The following PTPRD variants were observed in gnomAD, a reference collection of about 807,000 sequenced individuals.
PTPRD encodes the protein protein tyrosine phosphatase receptor type D.
In PTPRD, 34 loss-of-function variants were observed where a neutral mutation model predicts 214.5. That is an observed-to-expected ratio of 0.16 (90% CI 0.12 to 0.21). PTPRD has a LOEUF of 0.21. Ranked by LOEUF, PTPRD falls within the 10% of genes least tolerant of loss-of-function variation. PTPRD has a pLI of 1.00. For missense variants in PTPRD, 2,545 were observed against 2,398.7 expected, an observed-to-expected ratio of 1.06 and a Z score of -1.27; for synonymous variants, 1,128 against 845.7, an observed-to-expected ratio of 1.33 and a Z score of -5.79.
intron 3 of PTPRD, among the ~76,000 whole-genome samples, chr9:10,074,941 A>T (rs1410347038): frequency 6.6e-6 from 1 of 152,160 alleles, no homozygotes; most frequent in Non-Finnish European, 1.5e-5. Context: ...GAGAAATATT[A>T]CTTAGTCAAA....
intron 3 of PTPRD, among the ~76,000 whole-genome samples, chr9:10,317,794 A>T (rs191530990): frequency 6.6e-6 from 1 of 152,058 alleles, no homozygotes; most frequent in Non-Finnish European, 1.5e-5. Flanking sequence ...TAAGCTGGCC[A>T]TGTATAACGT....
At chr9:8,735,382 G>C (rs1035147678) in intron 11 of PTPRD, among the ~76,000 whole-genome samples, 1 of 147,578 alleles carries the variant, frequency 6.8e-6, no homozygotes, top group Non-Finnish European at 1.5e-5. Context: ...GGCATCAAGT[G>C]ATCTGCCTGC....
chr9:9,776,582 T>A (rs1434613296), intron 5 of PTPRD, among the ~76,000 whole-genome samples: 4 of 152,216 alleles, frequency 2.6e-5, no homozygotes, highest in African/African-American at 9.6e-5. Flanking sequence ...TATTTGTTGC[T>A]CTTTTTGCAT....
chr9:10,521,779 A>C (rs1396649416), intron 2 of PTPRD, among the ~76,000 whole-genome samples: 2 of 152,198 alleles, frequency 1.3e-5, no homozygotes, highest in African/African-American at 4.8e-5. Flanking sequence ...AATTTTTAGC[A>C]ATAAAGTATT....
At chr9:9,435,099 A>G (rs995891385) in intron 8 of PTPRD, among the ~76,000 whole-genome samples, 2 of 151,906 alleles carry the variant, frequency 1.3e-5, no homozygotes, top group Admixed American at 1.3e-4. Flanking sequence ...ATTTTGGCAA[A>G]TTTTAGACCC....
chr9:8,752,459 G>A (rs1240619559), intron 11 of PTPRD, among the ~76,000 whole-genome samples: 2 of 152,152 alleles, frequency 1.3e-5, no homozygotes, highest in African/African-American at 4.8e-5. Flanking sequence ...ATAAAAATGG[G>A]CAACCAGCAG....
intron 8 of PTPRD, among the ~76,000 whole-genome samples, chr9:9,418,759 C>T (rs951366353): frequency 6.6e-6 from 1 of 151,882 alleles, no homozygotes; most frequent in Non-Finnish European, 1.5e-5. Flanking sequence ...TGCTCTTGAG[C>T]ATTGAAAGTG....
At chr9:8,997,603 CACA>C (rs966125820) in intron 11 of PTPRD, among the ~76,000 whole-genome samples, 3 of 152,180 alleles carry the variant, frequency 2.0e-5, no homozygotes, top group South Asian at 2.1e-4. Flanking sequence ...TTCGCTGAAA[CACA>C]ACAATATTGA....
intron 4 of PTPRD, among the ~76,000 whole-genome samples, chr9:10,014,376 T>C (rs115415761): frequency 6.6e-6 from 1 of 152,054 alleles, no homozygotes; most frequent in Admixed American, 6.6e-5. Flanking sequence ...CATTTACTTT[T>C]CACATTTTAT....
At chr9:8,784,486 G>C (rs1013836272) in intron 11 of PTPRD, among the ~76,000 whole-genome samples, 2 of 152,188 alleles carry the variant, frequency 1.3e-5, no homozygotes, top group Non-Finnish European at 2.9e-5. Context: ...CTGGCATAGA[G>C]AAGCCACCCA....
chr9:10,164,860 G>C (rs2099149624), intron 3 of PTPRD, among the ~76,000 whole-genome samples: 1 of 150,414 alleles, frequency 6.6e-6, no homozygotes, highest in African/African-American at 2.4e-5. Flanking sequence ...GATATGCTGA[G>C]CTTGGAAGGG....
At chr9:8,435,572 G>GA (rs1337327927) in intron 35 of PTPRD, among the ~76,000 whole-genome samples, 4 of 152,112 alleles carry the variant, frequency 2.6e-5, no homozygotes, top group African/African-American at 7.2e-5. Flanking sequence ...AACTGGTCTA[G>GA]AAAAAACAAT....
chr9:9,872,413 AAC>A (rs34326524), intron 5 of PTPRD, among the ~76,000 whole-genome samples: 7,061 of 152,208 alleles, frequency 0.046, 507 homozygotes, highest in African/African-American at 0.16. Flanking sequence ...AAGCCTAAGC[AAC>A]ATAGTGAGAC....
intron 4 of PTPRD, among the ~76,000 whole-genome samples, chr9:10,031,464 A>G (rs2097065408): frequency 6.6e-6 from 1 of 151,576 alleles, no homozygotes. Flanking sequence ...CCAGCCTCCC[A>G]GCCTACATCT....
intron 9 of PTPRD, among the ~76,000 whole-genome samples, chr9:9,361,922 T>C (rs988876677): frequency 2.0e-5 from 3 of 151,032 alleles, no homozygotes; most frequent in African/African-American, 7.3e-5. Flanking sequence ...CCCCCTAGCC[T>C]CCTGGGGTTT....
intron 4 of PTPRD, among the ~76,000 whole-genome samples, chr9:10,008,433 T>A (rs2096532726): frequency 6.6e-6 from 1 of 151,998 alleles, no homozygotes; most frequent in South Asian, 2.1e-4. Context: ...GGCCTTTGTT[T>A]CACATTTTGA....
intron 11 of PTPRD, among the ~76,000 whole-genome samples, chr9:8,849,362 G>C (rs2097768931): frequency 6.6e-6 from 1 of 151,822 alleles, no homozygotes; most frequent in South Asian, 2.1e-4. Flanking sequence ...TTTTAGCTGG[G>C]ACTACAGGCG....
intron 37 of PTPRD, among the ~76,000 whole-genome samples, chr9:8,377,737 C>T (rs550386960): frequency 2.0e-5 from 3 of 152,054 alleles, no homozygotes; most frequent in African/African-American, 7.2e-5. Flanking sequence ...AAATCACAAT[C>T]TTTGGATTTA....
intron 2 of PTPRD, among the ~76,000 whole-genome samples, chr9:10,565,495 A>C (rs1030696918): frequency 2.6e-5 from 4 of 152,120 alleles, no homozygotes; most frequent in Non-Finnish European, 5.9e-5. Flanking sequence ...AAGGAAATTG[A>C]CTTTCAGAAA....
Sources: allele counts gnomAD v4.1 joint callset (sites outside exome capture counted in the v4.1 genomes callset), GRCh38; gene constraint gnomAD v4.1.1; transcripts MANE v1.5; gene names NCBI Gene and HGNC (gene_info 2026-07-23, HGNC 2026-07-21).